Variants in HCFC2 observed in about 807,000 individuals in gnomAD.
HCFC2 encodes host cell factor 2.
A neutral mutation model predicts 89.2 loss-of-function variants in HCFC2; 18 were observed. The ratio of observed to expected loss-of-function variants is 0.20; its 90% CI spans 0.14 to 0.30. The LOEUF (loss-of-function observed/expected upper bound fraction) is 0.30. Ranked by LOEUF, HCFC2 falls within the 10% of genes least tolerant of loss-of-function variation. The pLI is 1.00. For missense variants in HCFC2, 578 were observed against 956.1 expected (o/e 0.60, Z 5.21); for synonymous variants, 308 against 335.7 (o/e 0.92, Z 0.90).
intron 14 of HCFC2, among the ~76,000 whole-genome samples, 161 bp downstream of exon 14, chr12:104,102,314 AT>A (rs1322848537): frequency 6.6e-6 from 1 of 152,056 alleles, no homozygotes; most frequent in East Asian, 1.9e-4. Flanking sequence ...CTAATCATTC[AT>A]TTTTTTTAAC....
chr12:104,089,111 C>T (rs1286799194), intron 9 of HCFC2, among the ~76,000 whole-genome samples: 2 of 152,112 alleles, frequency 1.3e-5, no homozygotes, highest in African/African-American at 2.4e-5. Context: ...TGCGGAAACT[C>T]GACCCTCTGT....
At chr12:104,094,279 T>TG (rs1352437360) in intron 10 of HCFC2, among the ~76,000 whole-genome samples, 1 of 152,128 alleles carries the variant, frequency 6.6e-6, no homozygotes, top group Non-Finnish European at 1.5e-5. Flanking sequence ...TTAAATGTAA[T>TG]CTCCAAAAGA....
chr12:104,069,505 A>G (rs1593589627), intron 3 of HCFC2, among the ~76,000 whole-genome samples: 2 of 142,298 alleles, frequency 1.4e-5, no homozygotes, highest in African/African-American at 2.6e-5. Flanking sequence ...CTCTATTTCT[A>G]TATGTTTTAC....
chr12:104,093,300 A>G, intron 9 of HCFC2, 86 bp from the exon 10 acceptor site: 1 of 831,412 alleles, frequency 1.2e-6, no homozygotes. Flanking sequence ...AAGTATTTAA[A>G]TTGTAACTTA....
Position 104,064,642 on chromosome 12 carries a change from G to T in HCFC2, c.82G>T (p.Ala28Ser). Residue 28 changes from alanine (A) to serine (S), a missense_variant, in exon 1 of 15, where the codon GCG (alanine) becomes TCG (serine). Ala to Ser is a moderately conservative substitution (Grantham distance 99). Coordinates refer to ENST00000229330, the MANE Select transcript of HCFC2 (RefSeq NM_013320.3). This position sits in a 1 kb window ranked among gnomAD's most constrained non-coding sequence, Gnocchi z 7.3. ...CCCCCGCGCCCGGCACGGACACCGA[G>T]CGGTGGCCATCCGGGAGCTGATGAT... The part of the protein sequence containing the change: ...PVPRARHGHR[A>S]VAIRELMIIF... 1 of 1,580,774 alleles carries T rather than the reference G, an allele frequency of 6.3e-7. No homozygotes were observed. The highest frequency in any genetic ancestry group is 8.6e-7 in the Non-Finnish European group (1 of 1,165,620).
At chr12:104,090,429 C>G (rs1008456830) in intron 9 of HCFC2, among the ~76,000 whole-genome samples, 1 of 152,082 alleles carries the variant, frequency 6.6e-6, no homozygotes, top group Non-Finnish European at 1.5e-5. Context: ...GTGCCTCACC[C>G]AGTGGATCCC....
chr12:104,089,215 A>G (rs1213326892), intron 9 of HCFC2, among the ~76,000 whole-genome samples: 1 of 152,180 alleles, frequency 6.6e-6, no homozygotes, highest in Non-Finnish European at 1.5e-5. Context: ...AACTGTATTT[A>G]TTAAAAATAA....
chr12:104,084,426 A>AC (rs1354819837), intron 7 of HCFC2, among the ~76,000 whole-genome samples: 1 of 152,056 alleles, frequency 6.6e-6, no homozygotes, highest in Non-Finnish European at 1.5e-5. Flanking sequence ...GGCCAGAGAA[A>AC]CCACTGCAGG....
intron 11 of HCFC2, among the ~76,000 whole-genome samples, chr12:104,096,088 T>G (rs954828661): frequency 6.6e-6 from 1 of 152,156 alleles, no homozygotes; most frequent in Admixed American, 6.5e-5. Context: ...TTAGTGAACA[T>G]TCTCTGAAGT....
intron 14 of HCFC2, 67 bp from the exon 15 acceptor site, chr12:104,102,892 C>T: frequency 7.9e-7 from 1 of 1,261,850 alleles, no homozygotes. Context: ...AAGATAGACT[C>T]AACATAATAA....
At chr12:104,096,627 A>AT (rs1491536231) in intron 12 of HCFC2, among the ~76,000 whole-genome samples, 194 bp downstream of exon 12, 1 of 152,108 alleles carries the variant, frequency 6.6e-6, no homozygotes, top group Non-Finnish European at 1.5e-5. Context: ...AAAAAATAAC[A>AT]TATGTGTTGT....
At chr12:104,100,383 A>G (rs2029901270) in intron 13 of HCFC2, among the ~76,000 whole-genome samples, 1 of 152,122 alleles carries the variant, frequency 6.6e-6, no homozygotes. Flanking sequence ...GTTCGAGACC[A>G]GCCTGGGCAA....
intron 9 of HCFC2, among the ~76,000 whole-genome samples, chr12:104,093,133 T>C (rs1884072287): frequency 6.6e-6 from 1 of 152,238 alleles, no homozygotes; most frequent in Non-Finnish European, 1.5e-5. Context: ...TAGTTTTTTT[T>C]CCTCAAAATA....
At chr12:104,079,732 A>G in intron 4 of HCFC2, 79 bp downstream of exon 4, 7 of 1,077,598 alleles carry the variant, frequency 6.5e-6, no homozygotes, top group South Asian at 1.4e-5. Flanking sequence ...TGCAGTATTT[A>G]TTGAGTTGTA....
At chr12:104,087,470 T>TATATATATGTATATATATATAC (rs1555286253) in intron 8 of HCFC2, among the ~76,000 whole-genome samples, 17 of 7,334 alleles carry the variant, frequency 2.3e-3, no homozygotes, top group Non-Finnish European at 4.6e-3. Flanking sequence ...TATATACATA[T>TATATATATGTATATATATATAC]ATATATATAT....
intron 13 of HCFC2, among the ~76,000 whole-genome samples, chr12:104,098,770 G>A (rs1028855777): frequency 2.6e-5 from 4 of 152,206 alleles, no homozygotes; most frequent in Admixed American, 2.6e-4. Flanking sequence ...GGAGGCCAAG[G>A]CAGGCAGATC....
At chr12:104,096,631 G>A (rs1308467251) in intron 12 of HCFC2, among the ~76,000 whole-genome samples, 198 bp downstream of exon 12, 1 of 152,138 alleles carries the variant, frequency 6.6e-6, no homozygotes, top group African/African-American at 2.4e-5. Context: ...AATAACATAT[G>A]TGTTGTGTTC....
chr12:104,088,985 G>T (rs1883945780), intron 9 of HCFC2, among the ~76,000 whole-genome samples: 1 of 151,954 alleles, frequency 6.6e-6, no homozygotes, highest in Admixed American at 6.6e-5. Context: ...GCTTTCTTTT[G>T]GTATCTAACT....
intron 3 of HCFC2, among the ~76,000 whole-genome samples, chr12:104,076,655 T>C (rs118102840): frequency 0.058 from 7,247 of 125,426 alleles, 186 homozygotes; most frequent in South Asian, 0.14. Flanking sequence ...TATAATAGGG[T>C]AGTTTTATTC....
Sources: gnomAD v4.1 joint callset for allele counts (sites outside exome capture counted in the v4.1 genomes callset) on GRCh38, gnomAD v4.1.1 for gene constraint, Gnocchi (gnomAD v3.1) non-coding constraint, MANE v1.5 for transcripts, NCBI Gene and HGNC (gene_info 2026-07-23, HGNC 2026-07-21) for gene names.